Variants in BMP8B observed in about 807,000 individuals in gnomAD.
BMP8B encodes the protein bone morphogenetic protein 8 (osteogenic protein 2).
Under a neutral mutation model 30.3 loss-of-function variants are expected in BMP8B, and 17 were observed. The observed-to-expected ratio is 0.56, with a 90% confidence interval of 0.38 to 0.84. The LOEUF is 0.84. Ranked by LOEUF, BMP8B falls within the 40% of genes least tolerant of loss-of-function variation. The pLI, the probability that BMP8B is intolerant of heterozygous loss-of-function variation, is 0.00. For synonymous variants in BMP8B, 131 were observed against 214.7 expected (o/e 0.61, Z 3.41); for missense variants, 253 against 494.6 (o/e 0.51, Z 4.63).
At chr1:39,768,125 C>CTATA (rs1311303605) in intron 3 of BMP8B, among the ~76,000 whole-genome samples, 2 of 151,440 alleles carry the variant, frequency 1.3e-5, no homozygotes, top group Non-Finnish European at 2.9e-5. Context: ...GTTTTTGAGA[C>CTATA]TATAGATTCA....
Position 39,768,620 on chromosome 1 carries a change from G to A in BMP8B, c.674-3803C>T, listed in dbSNP as rs1047576207. On this transcript the variant is annotated intron_variant, in intron 3 of 6. Coordinates refer to ENST00000372827, the MANE Select transcript of BMP8B (RefSeq NM_001720.5). ...TCAAGCCTGTACTTTGGGAGGCCAA[G>A]GCAGGTGGATCACCTGAGGCCCAGA... Among the ~76,000 whole-genome samples, 20 of 149,928 alleles carry A rather than the reference G, an allele frequency of 1.3e-4. 1 individual carries two copies. The highest frequency in any genetic ancestry group is 4.9e-4 in the African/African-American group (20 of 40,418).
chr1:39,762,662 G>A, intron 6 of BMP8B: 5 of 1,531,160 alleles, frequency 3.3e-6, no homozygotes, highest in Non-Finnish European at 4.4e-6. Flanking sequence ...GTGGGTGAGT[G>A]CACACGCACA....
chr1:39,763,806 G>C lies in BMP8B; in HGVS notation c.869-15C>G, dbSNP rs1354913679. The C allele has an allele frequency of 4.4e-6, 7 of 1,598,262 alleles. 1 individual carries two copies. Among genetic ancestry groups the C allele is most frequent in the Admixed American group, 1.7e-5 (1 of 59,620 alleles). On this transcript the variant is annotated splice_polypyrimidine_tract_variant and intron_variant, in intron 4 of 6. Coordinates refer to ENST00000372827, the MANE Select transcript of BMP8B (RefSeq NM_001720.5). ...GTGGACGTCATCTGCAGGGACAGAA[G>C]GGGCAAGGTCTTTTCTGGGGTTCCT... is the stretch of plus-strand genomic sequence containing the variant.
In BMP8B at chr1:39,788,549, G is replaced by A. The variant is rs1651173934; in HGVS notation, c.-64C>T. 1 of 995,434 alleles carries A rather than the reference G, an allele frequency of 1.0e-6. No homozygotes were observed. Among genetic ancestry groups the A allele is most frequent in the African/African-American group, 1.8e-5 (1 of 57,016 alleles). 61.7% of individuals were successfully genotyped at this position (995,434 alleles called of 1,614,324 possible). A position where few individuals can be genotyped will look rare whatever the true frequency, so the allele number is the denominator to read the frequency against. On this transcript the variant is annotated 5_prime_UTR_variant, in exon 1 of 7. Transcript: ENST00000372827. This position sits in a 1 kb window ranked among gnomAD's most constrained non-coding sequence, Gnocchi z 5.8. ...GCGCATCGGCTCCGCGGCCGACCCA[G>A]GGCCTGGGGACGCCCCGACGGCAAG...
chr1:39,767,843 AC>A (rs1208806172), intron 3 of BMP8B, among the ~76,000 whole-genome samples: 2 of 103,500 alleles, frequency 1.9e-5, no homozygotes, highest in African/African-American at 7.1e-5. Context: ...CCTTTTCCAC[AC>A]CCCCAGTCTG....
chr1:39,760,030 AGTGGGCTCC>A lies in BMP8B; in HGVS notation c.*380_*388del. 4.0e-6 allele frequency: 1 copy of A among 249,002 alleles called. No individual in the cohort carries two copies. The highest frequency in any genetic ancestry group is 7.9e-6 in the Non-Finnish European group (1 of 126,090). The allele number at this position is 249,002 out of a possible 1,614,324, so 15.4% of individuals were successfully genotyped here. On this transcript the variant is annotated 3_prime_UTR_variant, in exon 7 of 7. Transcript: ENST00000372827. ...TGGTGAAGAGCTCAAGGTGGCCAAC[AGTGGGCTCC>A]AGGTGCCTCTCAGGTCATTCCACAT...
Position 39,788,120 on chromosome 1 carries a change from C to T in BMP8B, c.334+32G>A, listed in dbSNP as rs1481551831. The T allele has an allele frequency of 6.5e-7, 1 of 1,534,304 alleles. No individual in the cohort carries two copies. The highest frequency in any genetic ancestry group is 1.2e-5 in the South Asian group (1 of 84,754). On this transcript the variant is annotated intron_variant, in intron 1 of 6. Transcript: ENST00000372827. The surrounding 1 kb of genome is among the most constrained non-coding windows in gnomAD (Gnocchi z 5.8). ...GCCCCTCCCCTGCAGCCAGCTTACT[C>T]CGAGGGTCCCCGCGCGGGCGGCCGC...
Position 39,788,632 on chromosome 1 carries a change from G to A in BMP8B, c.-147C>T. On this transcript the variant is annotated 5_prime_UTR_variant, in exon 1 of 7. Coordinates refer to ENST00000372827, the MANE Select transcript of BMP8B (RefSeq NM_001720.5). The surrounding 1 kb of genome is among the most constrained non-coding windows in gnomAD (Gnocchi z 5.8). Reference sequence around the variant, plus strand: ...GCGGGGCGGGACGGGCGGCGACCGCGGCCTCAGCGCGGTCCCTGGAGCGCC... The same window carrying A: ...GCGGGGCGGGACGGGCGGCGACCGCAGCCTCAGCGCGGTCCCTGGAGCGCC... 2 of 762,488 alleles carry A rather than the reference G, an allele frequency of 2.6e-6. No homozygotes were observed. The highest frequency in any genetic ancestry group is 3.2e-6 in the Non-Finnish European group (2 of 627,220). 47.2% of individuals were successfully genotyped at this position (762,488 alleles called of 1,614,324 possible).
intron 1 of BMP8B, among the ~76,000 whole-genome samples, chr1:39,777,506 C>T (rs147410034): frequency 0.013 from 1,935 of 152,352 alleles, 49 homozygotes; most frequent in African/African-American, 0.044. Context: ...AGTTGGCTTC[C>T]GCTGGCCACA....
chr1:39,783,711 C>T (rs1444143539), intron 1 of BMP8B, among the ~76,000 whole-genome samples: 3 of 152,064 alleles, frequency 2.0e-5, no homozygotes, highest in Admixed American at 6.6e-5. Context: ...AGTTTGAGAC[C>T]AGCCTGGGCA....
At chr1:39,771,584 G>A (rs1011139638) in intron 3 of BMP8B, among the ~76,000 whole-genome samples, 6 of 150,996 alleles carry the variant, frequency 4.0e-5, no homozygotes, top group African/African-American at 1.5e-4. Flanking sequence ...CAACCACCCC[G>A]CCCAAGCTTC....
At chr1:39,778,889 C>T (rs1215674357) in intron 1 of BMP8B, among the ~76,000 whole-genome samples, 1 of 151,820 alleles carries the variant, frequency 6.6e-6, no homozygotes, top group Non-Finnish European at 1.5e-5. Flanking sequence ...CCCTGTGCCT[C>T]AGCCCGGAAG....
At chr1:39,781,091 T>C in intron 1 of BMP8B, among the ~76,000 whole-genome samples, 1 of 152,192 alleles carries the variant, frequency 6.6e-6, no homozygotes. Flanking sequence ...TGAGCAGACT[T>C]TGGGTTGGGC....
At chr1:39,787,649 C>G (rs1008132066) in intron 1 of BMP8B, among the ~76,000 whole-genome samples, 3 of 152,182 alleles carry the variant, frequency 2.0e-5, no homozygotes, top group Non-Finnish European at 4.4e-5. Context: ...AGCCGCCCCC[C>G]TGACAGCCGC....
intron 6 of BMP8B, chr1:39,762,628 C>T (rs1415423818): frequency 6.5e-7 from 1 of 1,547,460 alleles, no homozygotes; most frequent in East Asian, 2.4e-5. Context: ...CATCTAGAAG[C>T]TTCCTGCCTG....
chr1:39,769,674 G>C, intron 3 of BMP8B: 1 of 1,561,488 alleles, frequency 6.4e-7, no homozygotes, highest in East Asian at 2.3e-5. Context: ...CCTGAGGAGC[G>C]CACCACCCCG....
At chr1:39,762,492 C>G in intron 6 of BMP8B, 1 of 1,544,330 alleles carries the variant, frequency 6.5e-7, no homozygotes, top group Non-Finnish European at 8.7e-7. Context: ...GTGATCCCAT[C>G]AGAAACCTGC....
chr1:39,771,468 T>G, intron 3 of BMP8B: 1 of 548,402 alleles, frequency 1.8e-6, no homozygotes, highest in Non-Finnish European at 2.9e-6. Context: ...CAGTCCTCCG[T>G]GTCCAGCGCA....
intron 1 of BMP8B, among the ~76,000 whole-genome samples, chr1:39,777,002 T>C: frequency 6.6e-6 from 1 of 152,156 alleles, no homozygotes; most frequent in East Asian, 1.9e-4. Context: ...TCAAGAGTAA[T>C]GGGTGCTTTT....
Sources: allele counts gnomAD v4.1 joint callset (sites outside exome capture counted in the v4.1 genomes callset), GRCh38; gene constraint gnomAD v4.1.1; non-coding constraint Gnocchi (gnomAD v3.1); transcripts MANE v1.5; gene names NCBI Gene and HGNC (gene_info 2026-07-23, HGNC 2026-07-21).